Variants in TTLL5 observed in about 807,000 individuals in gnomAD.
The protein encoded by TTLL5 is tubulin tyrosine ligase like 5.
A neutral mutation model predicts 168.4 loss-of-function variants in TTLL5; 132 were observed. The ratio of observed to expected loss-of-function variants is 0.78; its 90% CI spans 0.68 to 0.91. The LOEUF is 0.91. Among genes scored for constraint, TTLL5 ranks in the 40% least tolerant of loss-of-function variants. The pLI is 0.00. For synonymous variants in TTLL5, 546 were observed against 558.6 expected (o/e 0.98, Z 0.32); for missense variants, 1,545 against 1,581.5 (o/e 0.98, Z 0.39).
At chr14:75,698,075 A>C (rs1425004349) in intron 6 of TTLL5, among the ~76,000 whole-genome samples, 1 of 152,166 alleles carries the variant, frequency 6.6e-6, no homozygotes, top group East Asian at 1.9e-4. Flanking sequence ...GACTGCTGCC[A>C]CCTGACGTAT....
At chr14:75,855,346 A>T (rs1260713903) in intron 28 of TTLL5, among the ~76,000 whole-genome samples, 1 of 152,206 alleles carries the variant, frequency 6.6e-6, no homozygotes, top group Non-Finnish European at 1.5e-5. Flanking sequence ...ATTTAAAGGC[A>T]CTGGAGGGTG....
At chr14:75,718,157 G>A (rs1411603654) in intron 10 of TTLL5, among the ~76,000 whole-genome samples, 195 bp downstream of exon 10, 1 of 152,186 alleles carries the variant, frequency 6.6e-6, no homozygotes, top group Non-Finnish European at 1.5e-5. Flanking sequence ...CCGGTTAACG[G>A]TGTCACCTTT....
chr14:75,840,181 G>C (rs1167437633), intron 28 of TTLL5, among the ~76,000 whole-genome samples: 3 of 152,184 alleles, frequency 2.0e-5, no homozygotes, highest in Non-Finnish European at 4.4e-5. Flanking sequence ...TGTGTTCTAA[G>C]AGTTGTAATA....
intron 26 of TTLL5, among the ~76,000 whole-genome samples, chr14:75,788,529 T>C (rs1197253574): frequency 6.6e-6 from 1 of 152,078 alleles, no homozygotes; most frequent in Non-Finnish European, 1.5e-5. Flanking sequence ...ACCAAACTCA[T>C]ACAAACTATA....
intron 12 of TTLL5, among the ~76,000 whole-genome samples, chr14:75,725,393 C>T (rs1215614300): frequency 1.3e-5 from 2 of 152,164 alleles, no homozygotes; most frequent in Non-Finnish European, 2.9e-5. Context: ...AAGTTTACTA[C>T]AGAAGAAACT....
In TTLL5 at chr14:75,764,688, T is replaced by G. The variant is rs760056637; in HGVS notation, c.1624T>G (p.Tyr542Asp). 1.9e-6 allele frequency: 3 copies of G among 1,614,180 alleles called. No individual in the cohort carries two copies. The highest frequency in any genetic ancestry group is 2.5e-6 in the Non-Finnish European group (3 of 1,180,004). ...NSKAKLHAAL[Y>D]ERKLLSLEVR... Reference sequence around the variant, plus strand: ...AAAGGCCAAGCTGCATGCTGCACTTTACGAGAGGAAGCTCCTGTCTCTGGA... The same window carrying G: ...AAAGGCCAAGCTGCATGCTGCACTTGACGAGAGGAAGCTCCTGTCTCTGGA... The change falls in exon 19 of 32, where the codon TAC becomes GAC. Residue 542 changes from tyrosine (Y) to aspartate (D), a missense_variant. Transcript: ENST00000298832.
At chr14:75,780,888 A>C (rs117419906) in intron 24 of TTLL5, among the ~76,000 whole-genome samples, 1,889 of 152,140 alleles carry the variant, frequency 0.012, 15 homozygotes, top group South Asian at 0.026. Context: ...CTTAGCACCT[A>C]TTATGTGTTA....
intron 3 of TTLL5, among the ~76,000 whole-genome samples, chr14:75,674,612 A>G (rs1883997631): frequency 1.3e-5 from 2 of 152,088 alleles, no homozygotes; most frequent in Non-Finnish European, 2.9e-5. Flanking sequence ...CCCAAATTGT[A>G]TGTACTTTAA....
intron 22 of TTLL5, 86 bp from the exon 23 acceptor site, chr14:75,776,661 G>A: frequency 1.1e-6 from 1 of 914,730 alleles, no homozygotes; most frequent in East Asian, 2.5e-5. Flanking sequence ...TTAACTCAAG[G>A]CTATTGAAAC....
At chr14:75,908,790 T>A (rs1015886711) in intron 31 of TTLL5, among the ~76,000 whole-genome samples, 25 of 151,702 alleles carry the variant, frequency 1.6e-4, no homozygotes, top group African/African-American at 4.3e-4. Context: ...ATATATATAT[T>A]TTTTTAGACA....
Position 75,954,478 on chromosome 14 carries a change from C to A in TTLL5, c.*32C>A. 2 of 1,612,854 alleles carry A rather than the reference C, an allele frequency of 1.2e-6. No homozygotes were observed. Among genetic ancestry groups the A allele is most frequent in the South Asian group, 2.2e-5 (2 of 91,056 alleles). ...AACACACAGAGAAACAACCTGTTCACCACTCCTGGGTGCATGATTGAGGGT... is the reference window on the plus strand; with the variant it reads ...AACACACAGAGAAACAACCTGTTCAACACTCCTGGGTGCATGATTGAGGGT... On this transcript the variant is annotated 3_prime_UTR_variant, in exon 32 of 32. Transcript: ENST00000298832.
chr14:75,811,277 T>C (rs532820960), intron 27 of TTLL5, among the ~76,000 whole-genome samples: 1 of 151,942 alleles, frequency 6.6e-6, no homozygotes, highest in East Asian at 1.9e-4. Context: ...GCAGGCTTAC[T>C]GTTGTCTACT....
At chr14:75,772,956 C>T (rs1260368578) in intron 21 of TTLL5, among the ~76,000 whole-genome samples, 1 of 152,066 alleles carries the variant, frequency 6.6e-6, no homozygotes, top group Non-Finnish European at 1.5e-5. Flanking sequence ...TATGAGCCAG[C>T]GCGCCTGGCC....
At chr14:75,662,987 A>G (rs1343379201) in intron 1 of TTLL5, 68 bp from the exon 2 acceptor site, 4 of 710,640 alleles carry the variant, frequency 5.6e-6, no homozygotes, top group Non-Finnish European at 1.0e-5. Context: ...ATTATCAGCA[A>G]TAACCAATAA....
chr14:75,742,653 C>T (rs990719935), intron 15 of TTLL5, among the ~76,000 whole-genome samples: 5 of 152,108 alleles, frequency 3.3e-5, no homozygotes, highest in African/African-American at 1.2e-4. Flanking sequence ...GCCTTGGCCT[C>T]CCAAAGTGCT....
intron 28 of TTLL5, among the ~76,000 whole-genome samples, chr14:75,850,017 G>A (rs771852217): frequency 1.2e-4 from 18 of 151,788 alleles, no homozygotes; most frequent in Non-Finnish European, 2.4e-4. Flanking sequence ...GAGGTGGGAG[G>A]ATTGCTTGAG....
At chr14:75,874,249 G>A (rs950735074) in intron 29 of TTLL5, among the ~76,000 whole-genome samples, 3 of 151,984 alleles carry the variant, frequency 2.0e-5, no homozygotes, top group African/African-American at 7.3e-5. Flanking sequence ...GCGTCACCAT[G>A]CCCAGCTAAT....
intron 29 of TTLL5, among the ~76,000 whole-genome samples, chr14:75,877,335 A>G (rs1022979451): frequency 1.3e-5 from 2 of 152,178 alleles, no homozygotes; most frequent in Non-Finnish European, 2.9e-5. Flanking sequence ...TCTTTCTAGT[A>G]AGAGAGCCCA....
chr14:75,707,613 T>G lies in TTLL5; in HGVS notation c.656-10T>G. Reference sequence around the variant, plus strand: ...GTTTTTTTTTGTGAATACAAACTTTTTTTTTTTAGATTTCAAGTTTGACGT... The same window carrying G: ...GTTTTTTTTTGTGAATACAAACTTTGTTTTTTTAGATTTCAAGTTTGACGT... On this transcript the variant is annotated splice_polypyrimidine_tract_variant and intron_variant, in intron 8 of 31. Transcript: ENST00000298832. 6.2e-7 allele frequency: 1 copy of G among 1,607,970 alleles called. No individual in the cohort carries two copies. The highest frequency in any genetic ancestry group is 1.7e-4 in the Middle Eastern group (1 of 6,042).
Sources: allele counts gnomAD v4.1 joint callset (sites outside exome capture counted in the v4.1 genomes callset), GRCh38; gene constraint gnomAD v4.1.1; transcripts MANE v1.5; gene names NCBI Gene and HGNC (gene_info 2026-07-23, HGNC 2026-07-21).